CREBRF: variants seen among roughly 807,000 people sequenced by gnomAD.
The protein encoded by CREBRF is CREB3 regulatory factor.
CREBRF carries 5 observed loss-of-function variants against 66.1 expected under a neutral mutation model. That is an observed-to-expected ratio of 0.08 (90% CI 0.04 to 0.16). CREBRF has a LOEUF of 0.16. Ranked by LOEUF, CREBRF falls within the 10% of genes least tolerant of loss-of-function variation. The pLI is 1.00. For synonymous variants in CREBRF, 229 were observed against 264.4 expected, an observed-to-expected ratio of 0.87 and a Z score of 1.30; for missense variants, 531 against 744.9, an observed-to-expected ratio of 0.71 and a Z score of 3.34.
intron 2 of CREBRF, 71 bp from the exon 3 acceptor site, chr5:173,086,430 G>T: frequency 7.2e-7 from 1 of 1,392,480 alleles, no homozygotes. Context: ...GGGTGGGGTT[G>T]GGGCTCATAT....
In CREBRF at chr5:173,090,726, G is replaced by C. The variant is rs1339474991; in HGVS notation, c.547G>C (p.Ala183Pro). The change falls in exon 4 of 9, where the codon GCT becomes CCT. Residue 183 changes from alanine (A) to proline (P), a missense_variant. Coordinates refer to ENST00000296953, the MANE Select transcript of CREBRF (RefSeq NM_153607.3). The surrounding 1 kb of genome is among the most constrained non-coding windows in gnomAD (Gnocchi z 4.5). ...TAAAAAGATCACAAGCAGAGCAGCT[G>C]CTCCTGTGTGTTCTTCTAAGACTCT... is the stretch of plus-strand genomic sequence containing the variant. ...PGKKITSRAA[A>P]PVCSSKTLQA... 6.2e-7 allele frequency: 1 copy of C among 1,614,018 alleles called. No individual in the cohort carries two copies. Among genetic ancestry groups the C allele is most frequent in the Non-Finnish European group, 8.5e-7 (1 of 1,180,020 alleles).
At chr5:173,074,120 T>A (rs11959260) in intron 1 of CREBRF, among the ~76,000 whole-genome samples, 19,925 of 151,774 alleles carry the variant, frequency 0.13, 2,211 homozygotes, top group African/African-American at 0.29. Flanking sequence ...GTGACCAACA[T>A]GGTGAAAACC....
rs1758511969 is a variant in CREBRF, at chr5:173,097,678, G to A, written c.1222+6277G>A. Among the ~76,000 whole-genome samples, 3 of 152,172 alleles carry A rather than the reference G, an allele frequency of 2.0e-5. No homozygotes were observed. In the South Asian group the frequency reaches 6.2e-4, roughly 32 times the overall value. ...CTTCTAGGTTATTCAATTTGTTAGT[G>A]TATAATTGTTTATAGTAGTCCTTAA... On this transcript the variant is annotated intron_variant, in intron 4 of 8. Coordinates refer to ENST00000296953, the MANE Select transcript of CREBRF (RefSeq NM_153607.3).
chr5:173,129,106 CTTTTTTTTTTTTTT>C (rs70984946), intron 8 of CREBRF, among the ~76,000 whole-genome samples: 41 of 53,748 alleles, frequency 7.6e-4, no homozygotes, highest in African/African-American at 2.8e-3. Flanking sequence ...TTAGTTACAT[CTTTTTTTTTTTTTT>C]TTTTTTTTTT....
chr5:173,099,179 A>G (rs1758553448), intron 4 of CREBRF, among the ~76,000 whole-genome samples: 1 of 151,826 alleles, frequency 6.6e-6, no homozygotes, highest in African/African-American at 2.4e-5. Context: ...TTTTTGAGAC[A>G]GGTTCTTATT....
intron 4 of CREBRF, among the ~76,000 whole-genome samples, chr5:173,096,173 G>C (rs1758471897): frequency 6.6e-6 from 1 of 152,058 alleles, no homozygotes; most frequent in African/African-American, 2.4e-5. Context: ...GTTTCACTGT[G>C]TTAGCCAGGA....
chr5:173,117,525 CTCCCCTCTCCTCTTCCCT>C (rs1759020302), intron 7 of CREBRF, among the ~76,000 whole-genome samples: 1 of 90,502 alleles, frequency 1.1e-5, no homozygotes, highest in African/African-American at 4.2e-5. Context: ...CTTCCCTCCC[CTCCCCTCTCCTCTTCCCT>C]TCCCCTCCCC....
rs368351952 is a variant in CREBRF at position 173,108,840 on chromosome 5, A to C, written c.1417+22A>C. On this transcript the variant is annotated intron_variant, in intron 5 of 8. Coordinates refer to ENST00000296953, the MANE Select transcript of CREBRF (RefSeq NM_153607.3). The stretch of plus-strand genomic sequence containing the variant: ...CATGGTAAGAGGGGATTGCAGTCAG[A>C]TATTTAGTGTCACTTTAATCAAGTT... The C allele has an allele frequency of 3.8e-6, 6 of 1,595,612 alleles. No homozygotes were observed. In the African/African-American group the frequency reaches 8.1e-5, roughly 21 times the overall value.
intron 7 of CREBRF, among the ~76,000 whole-genome samples, chr5:173,113,804 C>T (rs1260351023): frequency 1.3e-5 from 2 of 152,166 alleles, no homozygotes; most frequent in African/African-American, 4.8e-5. Flanking sequence ...TTATCTTACA[C>T]ATCTAGAACC....
chr5:173,129,980 C>G (rs757053084), intron 8 of CREBRF, among the ~76,000 whole-genome samples: 1 of 152,076 alleles, frequency 6.6e-6, no homozygotes, highest in Admixed American at 6.5e-5. Context: ...CACATGCCAC[C>G]ACGCCTGGCT....
At chr5:173,104,945 A>G (rs1050505520) in intron 4 of CREBRF, among the ~76,000 whole-genome samples, 3 of 152,216 alleles carry the variant, frequency 2.0e-5, no homozygotes, top group Admixed American at 6.5e-5. Flanking sequence ...CATGAAATAT[A>G]TGCAGGAAAA....
chr5:173,118,610 C>A (rs959335572), intron 7 of CREBRF, among the ~76,000 whole-genome samples: 17 of 152,132 alleles, frequency 1.1e-4, no homozygotes, highest in African/African-American at 3.9e-4. Flanking sequence ...ACTTTCCCTT[C>A]CCCATTGAAT....
intron 1 of CREBRF, among the ~76,000 whole-genome samples, chr5:173,069,328 CT>C (rs1561792586): frequency 6.6e-6 from 1 of 151,608 alleles, no homozygotes; most frequent in Admixed American, 6.6e-5. Context: ...GAATGAAATT[CT>C]TTTTTTTAAA....
At chr5:173,131,002 T>C (rs1024217312) in intron 8 of CREBRF, among the ~76,000 whole-genome samples, 3 of 152,168 alleles carry the variant, frequency 2.0e-5, no homozygotes, top group African/African-American at 7.2e-5. Flanking sequence ...CCAGCTCACG[T>C]GGCCAGCAGC....
Position 173,091,156 on chromosome 5 carries a change from C to CCAGAAAAA in CREBRF, c.977_978insCAGAAAAA (p.Asp327ArgfsTer91). On this transcript the variant is annotated frameshift_variant, in exon 4 of 9. Coordinates refer to ENST00000296953, the MANE Select transcript of CREBRF (RefSeq NM_153607.3). LOFTEE classifies it high-confidence loss of function. The stretch of plus-strand genomic sequence containing the variant: ...AGTCTTTCTGCCAGTACATCAGTCT[C>CCAGAAAAA]AGATTCATCCCAGAAAAAAGAAGAG... The CCAGAAAAA allele has an allele frequency of 6.2e-7, 1 of 1,614,222 alleles. No individual in the cohort carries two copies. The highest frequency in any genetic ancestry group is 1.1e-5 in the South Asian group (1 of 91,086).
At position 173,090,447 on chromosome 5, in the gene CREBRF, C is replaced by G. The variant is rs949667853; in HGVS notation, c.268C>G (p.Gln90Glu). The part of the protein sequence containing the change: ...NEGALTSNWE[Q>E]WDTYCEDLTK... Reference sequence around the variant, plus strand: ...GGGTGCTTTAACCTCAAACTGGGAACAGTGGGATACATACTGTGAAGACCT... The same window carrying G: ...GGGTGCTTTAACCTCAAACTGGGAAGAGTGGGATACATACTGTGAAGACCT... Residue 90 changes from glutamine to glutamate, a missense_variant, in exon 4 of 9, where the codon CAG (glutamine) becomes GAG (glutamate). Physicochemically the swap from Gln to Glu is conservative, Grantham distance 29 (BLOSUM62 2). Coordinates refer to ENST00000296953, the MANE Select transcript of CREBRF (RefSeq NM_153607.3). The surrounding 1 kb of genome is among the most constrained non-coding windows in gnomAD (Gnocchi z 4.5). The G allele has an allele frequency of 3.1e-6, 5 of 1,613,892 alleles. No individual in the cohort carries two copies. The Admixed American group carries it at 6.7e-5, about 22-fold the overall frequency.
At chr5:173,104,334 C>G (rs1018591172) in intron 4 of CREBRF, among the ~76,000 whole-genome samples, 19 of 150,426 alleles carry the variant, frequency 1.3e-4, no homozygotes, top group African/African-American at 4.6e-4. Flanking sequence ...GACCAGTGAT[C>G]TTGGGGCATA....
At chr5:173,070,858 C>G (rs983618304) in intron 1 of CREBRF, among the ~76,000 whole-genome samples, 1 of 152,078 alleles carries the variant, frequency 6.6e-6, no homozygotes, top group Non-Finnish European at 1.5e-5. Context: ...CCTTTGATTC[C>G]TTATCCAGAA....
intron 5 of CREBRF, 107 bp downstream of exon 5, chr5:173,108,925 CTG>C: frequency 1.0e-6 from 1 of 952,706 alleles, no homozygotes; most frequent in South Asian, 1.6e-5. Flanking sequence ...TCCTAGCAAA[CTG>C]GAGATGGGGA....
Sources: gnomAD v4.1 joint callset for allele counts (sites outside exome capture counted in the v4.1 genomes callset) on GRCh38, gnomAD v4.1.1 for gene constraint, Gnocchi (gnomAD v3.1) non-coding constraint, MANE v1.5 for transcripts, NCBI Gene and HGNC (gene_info 2026-07-23, HGNC 2026-07-21) for gene names.